MGRN1: variants seen among roughly 807,000 people sequenced by gnomAD.
MGRN1 encodes the protein mahogunin ring finger 1, also known as E3 ubiquitin-protein ligase MGRN1.
Under a neutral mutation model 69.2 loss-of-function variants are expected in MGRN1, and 29 were observed. That is an observed-to-expected ratio of 0.42 (90% CI 0.31 to 0.57). The LOEUF is 0.57. Among genes scored for constraint, MGRN1 ranks in the 20% least tolerant of loss-of-function variants. MGRN1 has a pLI of 0.15. For missense variants in MGRN1, 998 were observed against 796.2 expected, an observed-to-expected ratio of 1.25 and a Z score of -3.05; for synonymous variants, 470 against 344.2, an observed-to-expected ratio of 1.37 and a Z score of -4.04.
At chr16:4,669,430 T>TAAAAAAAAAAAAA (rs1596304464) in intron 8 of MGRN1, among the ~76,000 whole-genome samples, 2 of 44,692 alleles carry the variant, frequency 4.5e-5, no homozygotes, top group African/African-American at 8.3e-5. Context: ...GAAGACTGTG[T>TAAAAAAAAAAAAA]CAAAAAAAAA....
At chr16:4,688,328 G>C in intron 16 of MGRN1, 1 of 988,560 alleles carries the variant, frequency 1.0e-6, no homozygotes, top group Non-Finnish European at 1.2e-6. Context: ...TCTTTGCCTT[G>C]CAGTAGCCAT....
At chr16:4,663,637 G>T (rs557847770) in intron 5 of MGRN1, among the ~76,000 whole-genome samples, 2 of 152,358 alleles carry the variant, frequency 1.3e-5, no homozygotes, top group African/African-American at 4.8e-5. Context: ...TCTATGGAGG[G>T]AGTCAGGGAG....
chr16:4,669,031 TACAG>T (rs1348318187), intron 8 of MGRN1: 1 of 152,234 alleles, frequency 6.6e-6, no homozygotes, highest in African/African-American at 2.4e-5. Flanking sequence ...TACACATATG[TACAG>T]ACACACATAT....
rs144733342 is a variant in MGRN1 at position 4,650,904 on chromosome 16, T to G, written c.207+421T>G. 5.5e-3 allele frequency: 846 copies of G among 153,434 alleles called. 39 individuals are homozygous for G. The East Asian group carries it at 0.11, about 20-fold the overall frequency. 9.5% of individuals were successfully genotyped at this position (153,434 alleles called of 1,614,324 possible). A position where few individuals can be genotyped will look rare whatever the true frequency, so the allele number is the denominator to read the frequency against. ...GGCAGATCACCTGAGGTCAGGAGTT[T>G]GAGACAAGCCTGGCCAAAATGGTGA... is the stretch of plus-strand genomic sequence containing the variant. On this transcript the variant is annotated intron_variant, in intron 2 of 16. Transcript: ENST00000262370.
intron 16 of MGRN1, chr16:4,686,992 C>G (rs575016634): frequency 2.0e-6 from 2 of 985,428 alleles, no homozygotes; most frequent in African/African-American, 1.7e-5. Context: ...TGAGGGCGTC[C>G]GCTCACACAG....
Position 4,681,797 on chromosome 16 carries a change from G to A in MGRN1, c.1358+21G>A, listed in dbSNP as rs764083188. 5 of 1,602,206 alleles carry A rather than the reference G, an allele frequency of 3.1e-6. No homozygotes were observed. In the African/African-American group the frequency reaches 6.7e-5, roughly 21 times the overall value. The stretch of plus-strand genomic sequence containing the variant: ...GACAGGTGAGCAGCAGCCAGGCCAG[G>A]TGCATGGCAGGGTGTGTGGTGGCGC... On this transcript the variant is annotated intron_variant, in intron 13 of 16. Transcript: ENST00000262370.
At chr16:4,673,179 G>A (rs1371151913) in intron 9 of MGRN1, among the ~76,000 whole-genome samples, 1 of 152,138 alleles carries the variant, frequency 6.6e-6, no homozygotes, top group African/African-American at 2.4e-5. Flanking sequence ...CGGGTACCCT[G>A]ACCCTCAGGA....
intron 1 of MGRN1, among the ~76,000 whole-genome samples, chr16:4,639,241 C>T (rs1401860138): frequency 6.6e-6 from 1 of 152,056 alleles, no homozygotes; most frequent in Non-Finnish European, 1.5e-5. Flanking sequence ...CCAACAGGTA[C>T]ACGAGATAAA....
chr16:4,664,787 C>T lies in MGRN1; in HGVS notation c.628+12C>T, dbSNP rs978826299. 1.2e-6 allele frequency: 2 copies of T among 1,613,926 alleles called. No individual in the cohort carries two copies. Among genetic ancestry groups the T allele is most frequent in the African/African-American group, 2.7e-5 (2 of 74,942 alleles). On this transcript the variant is annotated intron_variant, in intron 6 of 16. Transcript: ENST00000262370. The stretch of plus-strand genomic sequence containing the variant: ...GGACGAAGGAGATGGTGAGTGCGTC[C>T]TCTTCCGTCCTCCTGGGCGTGCAGG...
At chr16:4,686,182 T>G (rs1331762312) in intron 16 of MGRN1, 1 of 1,506,636 alleles carries the variant, frequency 6.6e-7, no homozygotes, top group Non-Finnish European at 8.9e-7. Flanking sequence ...CCCAAGCTGG[T>G]GCCCTTGCTG....
intron 8 of MGRN1, among the ~76,000 whole-genome samples, chr16:4,670,829 C>G (rs1319658055): frequency 6.6e-6 from 1 of 152,244 alleles, no homozygotes; most frequent in Non-Finnish European, 1.5e-5. Context: ...AGGCCCTGGG[C>G]TCCCTGGAGT....
At chr16:4,669,800 A>G (rs1392275043) in intron 8 of MGRN1, among the ~76,000 whole-genome samples, 2 of 152,198 alleles carry the variant, frequency 1.3e-5, no homozygotes, top group Non-Finnish European at 2.9e-5. Flanking sequence ...ATAGAGCAGT[A>G]CATCTGTTCT....
intron 16 of MGRN1, chr16:4,687,718 G>A: frequency 1.0e-6 from 1 of 985,460 alleles, no homozygotes; most frequent in Non-Finnish European, 1.2e-6. Context: ...GTGCAGCTCT[G>A]GTCTGCCGAG....
chr16:4,685,300 C>T (rs568985228), intron 16 of MGRN1, among the ~76,000 whole-genome samples: 1 of 152,380 alleles, frequency 6.6e-6, no homozygotes, highest in African/African-American at 2.4e-5. Context: ...GGGGGAGCAT[C>T]TCAGAGGCTG....
chr16:4,668,336 C>T (rs757458992), intron 8 of MGRN1, 24 bp downstream of exon 8: 10 of 1,612,254 alleles, frequency 6.2e-6, no homozygotes, highest in South Asian at 3.3e-5. Flanking sequence ...GGAAATATGA[C>T]GTGCTTGAAT....
intron 8 of MGRN1, among the ~76,000 whole-genome samples, chr16:4,669,424 A>G: frequency 6.7e-6 from 1 of 149,344 alleles, no homozygotes; most frequent in African/African-American, 2.5e-5. Flanking sequence ...ACAGAGGAAG[A>G]CTGTGTCAAA....
At chr16:4,676,244 G>A (rs948043273) in intron 10 of MGRN1, among the ~76,000 whole-genome samples, 1 of 152,198 alleles carries the variant, frequency 6.6e-6, no homozygotes, top group African/African-American at 2.4e-5. Context: ...GCTGTCTGTC[G>A]GCCTCTCCTG....
intron 5 of MGRN1, chr16:4,664,213 C>T (rs759459584): frequency 5.1e-5 from 9 of 176,912 alleles, no homozygotes; most frequent in Admixed American, 2.2e-4. Context: ...AAAGCAGCAC[C>T]GATGCGTGCT....
At chr16:4,687,173 AAGAT>A (rs1406456725) in intron 16 of MGRN1, 5 of 984,108 alleles carry the variant, frequency 5.1e-6, no homozygotes, top group Non-Finnish European at 6.0e-6. Flanking sequence ...CCAGCACTAA[AAGAT>A]AGGAGGCCCT....
Sources: allele counts gnomAD v4.1 joint callset (sites outside exome capture counted in the v4.1 genomes callset), GRCh38; gene constraint gnomAD v4.1.1; transcripts MANE v1.5; gene names NCBI Gene and HGNC (gene_info 2026-07-23, HGNC 2026-07-21).